Variants in EYS observed in about 807,000 individuals in gnomAD.
EYS encodes protein eyes shut homolog.
EYS carries 250 observed loss-of-function variants against 282.1 expected under a neutral mutation model. That is an observed-to-expected ratio of 0.89 (90% CI 0.80 to 0.98). EYS has a LOEUF of 0.98. EYS is among the 50% of genes least tolerant of loss of function. The pLI, the probability that EYS is intolerant of heterozygous loss-of-function variation, is 0.00. For missense variants in EYS, 4,016 were observed against 3,709.0 expected (o/e 1.08, Z -2.15); for synonymous variants, 1,355 against 1,282.9 (o/e 1.06, Z -1.20).
At chr6:64,249,364 C>A (rs1767130490) in intron 30 of EYS, among the ~76,000 whole-genome samples, 1 of 151,970 alleles carries the variant, frequency 6.6e-6, no homozygotes, top group Non-Finnish European at 1.5e-5. Context: ...GAATGATAGA[C>A]AATGGAGTCT....
intron 32 of EYS, among the ~76,000 whole-genome samples, chr6:64,074,968 C>T (rs2149862720): frequency 6.6e-6 from 1 of 152,004 alleles, no homozygotes; most frequent in South Asian, 2.1e-4. Flanking sequence ...TCAAATCTAT[C>T]CTTGGTTATC....
chr6:64,648,543 G>A (rs1768437842), intron 22 of EYS, among the ~76,000 whole-genome samples: 1 of 151,970 alleles, frequency 6.6e-6, no homozygotes, highest in Non-Finnish European at 1.5e-5. Context: ...ACGGCTTAAG[G>A]GCACTTAAAA....
chr6:65,266,767 T>C (rs1029042099), intron 12 of EYS, among the ~76,000 whole-genome samples: 8 of 151,598 alleles, frequency 5.3e-5, no homozygotes, highest in Admixed American at 4.0e-4. Flanking sequence ...AAAGAACATA[T>C]AAAAAATTTT....
intron 31 of EYS, among the ~76,000 whole-genome samples, chr6:64,201,344 T>G (rs945800031): frequency 2.6e-5 from 4 of 152,142 alleles, no homozygotes; most frequent in African/African-American, 9.6e-5. Flanking sequence ...CTACTTCAAA[T>G]GAATCATATG....
chr6:65,595,590 G>C (rs1765376149), intron 2 of EYS, among the ~76,000 whole-genome samples: 1 of 151,394 alleles, frequency 6.6e-6, no homozygotes, highest in Non-Finnish European at 1.5e-5. Context: ...GGAATCTAAG[G>C]AGTTAATGCA....
chr6:63,727,462 G>A (rs1054670165), intron 41 of EYS, among the ~76,000 whole-genome samples: 1 of 151,480 alleles, frequency 6.6e-6, no homozygotes, highest in Non-Finnish European at 1.5e-5. Context: ...TTAAAAAACT[G>A]TACTCATTCA....
In EYS at chr6:65,495,550, A is replaced by T; in HGVS notation, c.-140T>A. 1 of 768,666 alleles carries T rather than the reference A, an allele frequency of 1.3e-6. No homozygotes were observed. The highest frequency in any genetic ancestry group is 2.1e-6 in the Non-Finnish European group (1 of 467,374). The allele number at this position is 768,666 out of a possible 1,614,324, so 47.6% of individuals were successfully genotyped here. ...TTGACCTTTTTTCTATACCCAAAGT[A>T]GCTTTGATGACAATGTGCTTTGATG... is the stretch of plus-strand genomic sequence containing the variant. On this transcript the variant is annotated 5_prime_UTR_variant, in exon 4 of 43. Transcript: ENST00000503581.
intron 28 of EYS, among the ~76,000 whole-genome samples, chr6:64,401,134 G>T (rs1162506541): frequency 6.6e-6 from 1 of 152,042 alleles, no homozygotes; most frequent in African/African-American, 2.4e-5. Flanking sequence ...GGAGATAGAT[G>T]AAATAGGCAA....
intron 5 of EYS, among the ~76,000 whole-genome samples, chr6:65,429,138 C>T (rs1767778717): frequency 6.6e-6 from 1 of 151,166 alleles, no homozygotes; most frequent in Admixed American, 6.6e-5. Context: ...GGAGATGCAC[C>T]ATTACACTAC....
intron 22 of EYS, among the ~76,000 whole-genome samples, chr6:64,718,253 T>C (rs574344610): frequency 1.3e-5 from 2 of 152,216 alleles, no homozygotes; most frequent in South Asian, 2.1e-4. Context: ...CAAACACCCC[T>C]CAAGTATCTA....
intron 22 of EYS, among the ~76,000 whole-genome samples, chr6:64,809,940 C>A (rs1338736274): frequency 2.0e-5 from 3 of 151,936 alleles, no homozygotes; most frequent in Non-Finnish European, 4.4e-5. Context: ...CTATAACATA[C>A]CTGTGTATGT....
At chr6:64,869,740 G>A (rs189032895) in intron 19 of EYS, among the ~76,000 whole-genome samples, 138 of 151,784 alleles carry the variant, frequency 9.1e-4, no homozygotes, top group Non-Finnish European at 1.3e-3. Context: ...AGACAAGCCA[G>A]AGATAAAGCA....
At chr6:64,802,262 AG>A (rs1331975147) in intron 22 of EYS, among the ~76,000 whole-genome samples, 2 of 151,810 alleles carry the variant, frequency 1.3e-5, no homozygotes, top group Non-Finnish European at 2.9e-5. Flanking sequence ...TGTGTTAGCC[AG>A]GATGGTCTCT....
intron 12 of EYS, among the ~76,000 whole-genome samples, chr6:65,148,959 A>G (rs1019569060): frequency 1.2e-4 from 18 of 152,032 alleles, no homozygotes; most frequent in Non-Finnish European, 2.5e-4. Context: ...GATGCAAGGA[A>G]CCATGTCCTG....
intron 30 of EYS, among the ~76,000 whole-genome samples, chr6:64,265,086 G>A (rs1249953447): frequency 1.1e-5 from 1 of 95,142 alleles, no homozygotes; most frequent in Non-Finnish European, 2.7e-5. Flanking sequence ...CATTCTGAGA[G>A]TTATGTTTAC....
intron 12 of EYS, among the ~76,000 whole-genome samples, chr6:65,106,606 C>T (rs12208391): frequency 0.042 from 6,357 of 152,058 alleles, 182 homozygotes; most frequent in South Asian, 0.065. Flanking sequence ...CCTGATGCAT[C>T]GATCCTAGTA....
At chr6:65,072,960 T>C (rs762218865) in intron 12 of EYS, among the ~76,000 whole-genome samples, 1 of 151,386 alleles carries the variant, frequency 6.6e-6, no homozygotes, top group Non-Finnish European at 1.5e-5. Flanking sequence ...GAACAAACAT[T>C]ATATAATTAA....
chr6:64,602,672 T>C (rs1244632327), intron 24 of EYS, among the ~76,000 whole-genome samples: 1 of 152,092 alleles, frequency 6.6e-6, no homozygotes, highest in Non-Finnish European at 1.5e-5. Context: ...TTTGAAAATT[T>C]AGCAATTTGA....
chr6:64,766,649 A>AAAAAAT (rs1387919586), intron 22 of EYS, among the ~76,000 whole-genome samples: 1 of 19,068 alleles, frequency 5.2e-5, no homozygotes, highest in Admixed American at 9.6e-4. Context: ...AAAAAAAAAA[A>AAAAAAT]ATATATATAT....
Sources: gnomAD v4.1 joint callset for allele counts (sites outside exome capture counted in the v4.1 genomes callset) on GRCh38, gnomAD v4.1.1 for gene constraint, MANE v1.5 for transcripts, NCBI Gene and HGNC (gene_info 2026-07-23, HGNC 2026-07-21) for gene names.